The following PEAK1 variants were observed in gnomAD, a reference collection of about 807,000 sequenced individuals.
The protein encoded by PEAK1 is pseudopodium enriched atypical kinase 1, also known as inactive tyrosine-protein kinase PEAK1.
Under a neutral mutation model 124.7 loss-of-function variants are expected in PEAK1, and 54 were observed. The observed-to-expected ratio is 0.43, with a 90% CI of 0.35 to 0.54. The LOEUF (loss-of-function observed/expected upper bound fraction) is 0.54, where lower values mean the gene tolerates loss of function less well. PEAK1 is among the 20% of genes least tolerant of loss of function. The probability of loss-of-function intolerance (pLI) is 0.01; values close to 1 mark genes in which losing one functional copy is unlikely to be tolerated. For missense variants in PEAK1, 2,046 were observed against 2,134.5 expected (o/e 0.96, Z 0.82); for synonymous variants, 719 against 760.0 (o/e 0.95, Z 0.89).
At position 77,252,432 on chromosome 15, in the gene PEAK1, T is replaced by C. The variant is rs116101414; in HGVS notation, c.-180A>G. 1.5e-3 allele frequency: 1,475 copies of C among 985,320 alleles called. 8 individuals carry two copies. The African/African-American group carries it at 0.018, about 12-fold the overall frequency. The allele number at this position is 985,320 out of a possible 1,614,324, so 61.0% of individuals were successfully genotyped here. On this transcript the variant is annotated 5_prime_UTR_variant, in exon 6 of 10. Transcript: ENST00000682557. ...GTGGTTTTAGCAGCTAGCAAAACAT[T>C]CCTTCCAAATTTCAAGGTGCTTTGG...
chr15:77,211,043 G>A (rs1448074308), intron 6 of PEAK1, among the ~76,000 whole-genome samples: 1 of 152,044 alleles, frequency 6.6e-6, no homozygotes, highest in Non-Finnish European at 1.5e-5. Context: ...ATGTCCCATG[G>A]GTAAAATCTG....
Position 77,109,117 on chromosome 15 carries a change from T to A in PEAK1, c.*5039A>T, listed in dbSNP as rs1438614469. The A allele has an allele frequency of 1.3e-5, 2 of 152,194 alleles. No individual in the cohort carries two copies. Among genetic ancestry groups the A allele is most frequent in the South Asian group, 2.1e-4 (1 of 4,832 alleles). The allele number at this position is 152,194 out of a possible 1,614,324, so 9.4% of individuals were successfully genotyped here. A position where few individuals can be genotyped will look rare whatever the true frequency, so the allele number is the denominator to read the frequency against. ...AAGGTTTATAAAAACAATTACAATT[T>A]GTTAAGAAATTTCCCAAGAGTTCTT... On this transcript the variant is annotated 3_prime_UTR_variant, in exon 10 of 10. Transcript: ENST00000682557.
intron 6 of PEAK1, among the ~76,000 whole-genome samples, chr15:77,252,016 C>T (rs1037730621): frequency 6.6e-6 from 1 of 152,230 alleles, no homozygotes; most frequent in Non-Finnish European, 1.5e-5. Context: ...TTTTCTTCTA[C>T]CTCTGGCTTG....
chr15:77,417,803 G>GA, intron 1 of PEAK1: 1 of 985,412 alleles, frequency 1.0e-6, no homozygotes, highest in Non-Finnish European at 1.2e-6. Context: ...GAACAATTTA[G>GA]AAGAGTTATT....
At chr15:77,237,237 C>T (rs1327583385) in intron 6 of PEAK1, among the ~76,000 whole-genome samples, 1 of 151,910 alleles carries the variant, frequency 6.6e-6, no homozygotes, top group South Asian at 2.1e-4. Flanking sequence ...AGATAAAGTA[C>T]AAAAAGTTAT....
intron 2 of PEAK1, among the ~76,000 whole-genome samples, chr15:77,325,622 C>T (rs565270432): frequency 6.6e-6 from 1 of 151,872 alleles, no homozygotes; most frequent in South Asian, 2.1e-4. Context: ...ATGAAAGTTC[C>T]CAAGAGTAAG....
At chr15:77,246,702 T>G (rs1371829980) in intron 6 of PEAK1, among the ~76,000 whole-genome samples, 1 of 152,190 alleles carries the variant, frequency 6.6e-6, no homozygotes, top group Non-Finnish European at 1.5e-5. Context: ...GTAAATTTTA[T>G]AATTTCAATG....
intron 1 of PEAK1, among the ~76,000 whole-genome samples, chr15:77,376,228 C>T (rs1470669142): frequency 6.6e-6 from 1 of 151,910 alleles, no homozygotes; most frequent in Admixed American, 6.6e-5. Flanking sequence ...AACAAAGGCA[C>T]ACAACAAACA....
At chr15:77,417,234 A>C in intron 1 of PEAK1, 20 of 491,210 alleles carry the variant, frequency 4.1e-5, no homozygotes, top group Non-Finnish European at 5.3e-5. Context: ...GCAAAAAGGA[A>C]TCTCATATTC....
At chr15:77,173,130 T>C (rs1325652976) in intron 7 of PEAK1, among the ~76,000 whole-genome samples, 1 of 152,102 alleles carries the variant, frequency 6.6e-6, no homozygotes, top group African/African-American at 2.4e-5. Context: ...TATGGTGCCA[T>C]GGCTTTGATT....
At chr15:77,408,755 T>C (rs2072150865) in intron 1 of PEAK1, among the ~76,000 whole-genome samples, 1 of 152,150 alleles carries the variant, frequency 6.6e-6, no homozygotes, top group South Asian at 2.1e-4. Flanking sequence ...ATTTGAAATA[T>C]TCAACTAATT....
At chr15:77,386,743 G>A (rs2069976844) in intron 1 of PEAK1, among the ~76,000 whole-genome samples, 1 of 152,168 alleles carries the variant, frequency 6.6e-6, no homozygotes, top group Non-Finnish European at 1.5e-5. Flanking sequence ...ATGTCCCACA[G>A]TTGGTTATCC....
chr15:77,181,618 C>T lies in PEAK1; in HGVS notation c.309G>A (p.Gly103=). ...EHCENKPVII[G]WNRNRAALSQ... is the part of the protein sequence containing the mutation. ...TCAAGGCAGCTCTGTTTCGGTTCCACCCTATGATGACAGGTTTGTTCTCAC... is the reference window on the plus strand; with the variant it reads ...TCAAGGCAGCTCTGTTTCGGTTCCATCCTATGATGACAGGTTTGTTCTCAC... Residue 103 remains glycine (G), a synonymous_variant, in exon 7 of 10, where the codon GGG becomes GGA. Coordinates refer to ENST00000682557, the MANE Select transcript of PEAK1 (RefSeq NM_001385026.1). 9 of 1,614,156 alleles carry T rather than the reference C, an allele frequency of 5.6e-6. No individual in the cohort carries two copies. Among genetic ancestry groups the T allele is most frequent in the Non-Finnish European group, 7.6e-6 (9 of 1,180,026 alleles).
intron 2 of PEAK1, among the ~76,000 whole-genome samples, chr15:77,341,089 T>C (rs993433376): frequency 1.3e-5 from 2 of 152,022 alleles, no homozygotes; most frequent in African/African-American, 4.8e-5. Flanking sequence ...ATTATAACTT[T>C]ACTATAAAAA....
intron 1 of PEAK1, among the ~76,000 whole-genome samples, chr15:77,366,298 T>C (rs1464788146): frequency 6.6e-6 from 1 of 152,166 alleles, no homozygotes; most frequent in Admixed American, 6.5e-5. Flanking sequence ...GCAGTCATTA[T>C]GGAGTTCACT....
intron 1 of PEAK1, among the ~76,000 whole-genome samples, chr15:77,417,021 G>A (rs566007741): frequency 1.3e-5 from 2 of 151,970 alleles, no homozygotes; most frequent in South Asian, 4.2e-4. Context: ...CCCTCTTTCT[G>A]GACCTAGTTA....
At chr15:77,158,892 T>G (rs571731790) in intron 7 of PEAK1, among the ~76,000 whole-genome samples, 196 bp from the exon 8 acceptor site, 37 of 152,304 alleles carry the variant, frequency 2.4e-4, no homozygotes, top group African/African-American at 7.9e-4. Flanking sequence ...AGAACCCAAT[T>G]TGATAGAGCA....
intron 8 of PEAK1, chr15:77,158,300 C>T (rs2055333818): frequency 3.6e-6 from 2 of 561,856 alleles, no homozygotes; most frequent in Non-Finnish European, 6.4e-6. Context: ...TAGCACTTGG[C>T]ACAGGGCTCA....
intron 2 of PEAK1, among the ~76,000 whole-genome samples, chr15:77,351,256 T>C (rs1046640099): frequency 6.6e-6 from 1 of 152,194 alleles, no homozygotes; most frequent in African/African-American, 2.4e-5. Context: ...GTAGATATAC[T>C]AGAGGTTGTT....
Sources: gnomAD v4.1 joint callset for allele counts (sites outside exome capture counted in the v4.1 genomes callset) on GRCh38, gnomAD v4.1.1 for gene constraint, MANE v1.5 for transcripts, NCBI Gene and HGNC (gene_info 2026-07-23, HGNC 2026-07-21) for gene names.